The following NDST4 variants were observed in gnomAD, a reference collection of about 807,000 sequenced individuals.
NDST4 encodes the protein N-deacetylase and N-sulfotransferase 4, also known as N-heparan sulfate sulfotransferase 4.
In NDST4, 63 loss-of-function variants were observed where a neutral mutation model predicts 100.8. That is an observed-to-expected ratio of 0.62 (90% CI 0.51 to 0.77). The LOEUF (loss-of-function observed/expected upper bound fraction) is 0.77. Ranked by LOEUF, NDST4 falls within the 30% of genes least tolerant of loss-of-function variation. The pLI, the probability that NDST4 is intolerant of heterozygous loss-of-function variation, is 0.00. For synonymous variants in NDST4, 377 were observed against 361.8 expected, an observed-to-expected ratio of 1.04 and a Z score of -0.48; for missense variants, 943 against 1,018.4, an observed-to-expected ratio of 0.93 and a Z score of 1.01.
intron 1 of NDST4, among the ~76,000 whole-genome samples, chr4:115,087,281 T>C (rs1729425994): frequency 6.6e-6 from 1 of 152,058 alleles, no homozygotes; most frequent in African/African-American, 2.4e-5. Flanking sequence ...AGTTCAATCA[T>C]GGATTTGCTC....
chr4:115,001,646 T>C (rs1727293058), intron 2 of NDST4, among the ~76,000 whole-genome samples: 1 of 151,874 alleles, frequency 6.6e-6, no homozygotes, highest in South Asian at 2.1e-4. Context: ...ATACTATATA[T>C]ATTATAATGT....
chr4:114,899,471 C>T (rs1434119636), intron 6 of NDST4, among the ~76,000 whole-genome samples: 1 of 152,128 alleles, frequency 6.6e-6, no homozygotes, highest in African/African-American at 2.4e-5. Flanking sequence ...GACACCACGC[C>T]CAGCCTAGAT....
At chr4:114,966,708 A>G (rs773497969) in intron 4 of NDST4, among the ~76,000 whole-genome samples, 6 of 151,978 alleles carry the variant, frequency 3.9e-5, no homozygotes, top group African/African-American at 1.2e-4. Flanking sequence ...GTTTGAAAAT[A>G]TTTTCTCATA....
intron 4 of NDST4, among the ~76,000 whole-genome samples, chr4:114,956,821 T>A (rs1726151809): frequency 6.6e-6 from 1 of 152,010 alleles, no homozygotes; most frequent in African/African-American, 2.4e-5. Flanking sequence ...AAATACATCC[T>A]TAACATGGAG....
rs544473602 is a variant in NDST4, at chr4:115,067,210, A to T, written c.978+8849T>A. On this transcript the variant is annotated intron_variant, in intron 2 of 13. Coordinates refer to ENST00000264363, the MANE Select transcript of NDST4 (RefSeq NM_022569.3). ...CATCCACCCAATTCTTGCTGCCTGG[A>T]CTCCTTTGCATTACTAAATCTATAC... Among the ~76,000 whole-genome samples, 4 of 151,892 alleles carry T rather than the reference A, an allele frequency of 2.6e-5. No individual in the cohort carries two copies. In the East Asian group the frequency reaches 7.8e-4, roughly 29 times the overall value.
At chr4:115,106,712 C>T (rs1223402814) in intron 1 of NDST4, among the ~76,000 whole-genome samples, 3 of 152,198 alleles carry the variant, frequency 2.0e-5, no homozygotes, top group East Asian at 1.9e-4. Context: ...CAGATGGACC[C>T]ATGGATACTA....
At chr4:114,966,425 T>C (rs1726384494) in intron 4 of NDST4, among the ~76,000 whole-genome samples, 1 of 150,822 alleles carries the variant, frequency 6.6e-6, no homozygotes, top group African/African-American at 2.4e-5. Flanking sequence ...ACAAACTCCA[T>C]CCGGAAACAT....
At position 114,896,622 on chromosome 4, in the gene NDST4, C is replaced by CAAAA. The variant is rs34174566; in HGVS notation, c.1537-25676_1537-25673dup. On this transcript the variant is annotated intron_variant, in intron 6 of 13. Coordinates refer to ENST00000264363, the MANE Select transcript of NDST4 (RefSeq NM_022569.3). ...CTAGTGACAGAGTGAGACTCCGTCT[C>CAAAA]AAAAAAAAAAAAAAAAAATTTGCTT... 6.8e-3 allele frequency among the ~76,000 whole-genome samples: 709 copies of CAAAA among 103,888 alleles called. 1 individual carries two copies. Among genetic ancestry groups the CAAAA allele is most frequent in the Non-Finnish European group, 8.5e-3 (398 of 46,762 alleles). The allele number at this position is 103,888 out of a possible 152,430, so 68.2% of individuals were successfully genotyped here. A position where few individuals can be genotyped will look rare whatever the true frequency, so the allele number is the denominator to read the frequency against.
chr4:115,068,954 T>C (rs1729012940), intron 2 of NDST4, among the ~76,000 whole-genome samples: 3 of 152,126 alleles, frequency 2.0e-5, no homozygotes, highest in Non-Finnish European at 2.9e-5. Flanking sequence ...TGTAATACAT[T>C]CCTTGAGGCA....
At chr4:114,939,662 G>A (rs1460036828) in intron 4 of NDST4, among the ~76,000 whole-genome samples, 1 of 135,494 alleles carries the variant, frequency 7.4e-6, no homozygotes, top group African/African-American at 2.8e-5. Flanking sequence ...TTGACAGGTA[G>A]TAAAATGAAT....
chr4:114,962,958 G>T (rs191361772), intron 4 of NDST4, among the ~76,000 whole-genome samples: 3 of 152,186 alleles, frequency 2.0e-5, no homozygotes, highest in Non-Finnish European at 2.9e-5. Flanking sequence ...ATGAATTGCT[G>T]GTAGAATATA....
intron 1 of NDST4, among the ~76,000 whole-genome samples, chr4:115,086,534 C>T (rs920418208): frequency 8.6e-5 from 13 of 151,938 alleles, no homozygotes; most frequent in African/African-American, 3.1e-4. Flanking sequence ...CTAAAAGTGT[C>T]ATTTCAAACA....
At chr4:114,928,512 C>A (rs1035201347) in intron 6 of NDST4, among the ~76,000 whole-genome samples, 1 of 152,106 alleles carries the variant, frequency 6.6e-6, no homozygotes, top group African/African-American at 2.4e-5. Context: ...TCACTTACTC[C>A]AAGTCTGCCT....
chr4:115,049,218 T>G (rs1358404054), intron 2 of NDST4, among the ~76,000 whole-genome samples: 1 of 151,976 alleles, frequency 6.6e-6, no homozygotes, highest in Non-Finnish European at 1.5e-5. Context: ...TTCAGCATGG[T>G]AAAATTTGGC....
intron 6 of NDST4, among the ~76,000 whole-genome samples, chr4:114,884,512 A>C (rs781109345): frequency 4.6e-5 from 7 of 152,114 alleles, no homozygotes; most frequent in Non-Finnish European, 8.8e-5. Context: ...ATAACCATAC[A>C]TGTTCTGATA....
intron 4 of NDST4, among the ~76,000 whole-genome samples, chr4:114,962,702 A>G (rs1407181575): frequency 6.6e-6 from 1 of 152,126 alleles, no homozygotes. Flanking sequence ...TTCATGTATC[A>G]GAAGACTTAA....
rs747500788 is a variant in NDST4, at chr4:115,076,570, T to A, written c.467A>T (p.Glu156Val). The A allele has an allele frequency of 1.2e-6, 2 of 1,613,958 alleles. No individual in the cohort carries two copies. The highest frequency in any genetic ancestry group is 2.2e-5 in the South Asian group (2 of 91,082). Residue 156 changes from glutamate to valine, a missense_variant, in exon 2 of 14, where the codon GAA (glutamate) becomes GTA (valine). By Grantham distance (121) the Glu-to-Val change is moderately radical (BLOSUM62 -2). Around this residue, in one of 2 missense-constraint regions of NDST4, gnomAD observed 417 missense variants for 384.2 expected, o/e 1.09. Coordinates refer to ENST00000264363, the MANE Select transcript of NDST4 (RefSeq NM_022569.3). ...NRELLEKYCVEYSVSIIGFHK... is the reference protein window; with the variant it reads ...NRELLEKYCVVYSVSIIGFHK... ...AAAACCGATTATACTAACACTGTAT[T>A]CCACACAGTATTTTTCTAAAAGCTC...
chr4:114,914,250 T>G (rs1163139791), intron 6 of NDST4, among the ~76,000 whole-genome samples: 1 of 151,968 alleles, frequency 6.6e-6, no homozygotes, highest in East Asian at 1.9e-4. Context: ...GAAAAATAAA[T>G]AAGACCTACT....
At chr4:115,101,873 T>C (rs1040851198) in intron 1 of NDST4, among the ~76,000 whole-genome samples, 3 of 152,156 alleles carry the variant, frequency 2.0e-5, no homozygotes, top group Non-Finnish European at 2.9e-5. Flanking sequence ...GAGATTCCCA[T>C]GGACTGACGT....
Sources: gnomAD v4.1 joint callset for allele counts (sites outside exome capture counted in the v4.1 genomes callset) on GRCh38, gnomAD v4.1.1 for gene constraint, gnomAD v4.1.1 regional missense constraint, MANE v1.5 for transcripts, NCBI Gene and HGNC (gene_info 2026-07-23, HGNC 2026-07-21) for gene names.